Variants in PRKG2 observed in about 807,000 individuals in gnomAD.
The protein encoded by PRKG2 is protein kinase cGMP-dependent 2.
PRKG2 carries 33 observed loss-of-function variants against 97.2 expected under a neutral mutation model. That is an observed-to-expected ratio of 0.34 (90% CI 0.26 to 0.45). The LOEUF (loss-of-function observed/expected upper bound fraction) is 0.45, where lower values mean the gene tolerates loss of function less well. Ranked by LOEUF, PRKG2 falls within the 20% of genes least tolerant of loss-of-function variation. The pLI is 1.00. For synonymous variants in PRKG2, 330 were observed against 321.8 expected, an observed-to-expected ratio of 1.03 and a Z score of -0.27; for missense variants, 638 against 900.0, an observed-to-expected ratio of 0.71 and a Z score of 3.73.
intron 16 of PRKG2, 151 bp from the exon 17 acceptor site, chr4:81,104,583 C>A (rs908228015): frequency 9.3e-6 from 3 of 323,798 alleles, no homozygotes; most frequent in African/African-American, 6.7e-5. Flanking sequence ...CTACTGTAGA[C>A]CAGACATCTG....
upstream of PRKG2, among the ~76,000 whole-genome samples, chr4:81,216,561 T>C (rs992094960): frequency 1.3e-5 from 2 of 152,136 alleles, no homozygotes; most frequent in African/African-American, 4.8e-5. Flanking sequence ...GATTCAGGGG[T>C]ACAAGTGCAG....
chr4:81,212,907 A>T (rs541507979), intron 1 of PRKG2, among the ~76,000 whole-genome samples: 19 of 152,348 alleles, frequency 1.2e-4, no homozygotes, highest in African/African-American at 3.6e-4. Context: ...GCAGGATAGC[A>T]TCTCTAATGT....
In PRKG2 at chr4:81,110,486, C is replaced by G. The variant is rs1285670222; in HGVS notation, c.1902G>C (p.Trp634Cys). 6.2e-7 allele frequency: 1 copy of G among 1,613,556 alleles called. No individual in the cohort carries two copies. The highest frequency in any genetic ancestry group is 8.5e-7 in the Non-Finnish European group (1 of 1,179,924). The change falls in exon 15 of 19, where the codon TGG becomes TGC. Residue 634 changes from tryptophan (W) to cysteine (C), a missense_variant. Physicochemically the swap from Trp to Cys is radical, Grantham distance 215. Transcript: ENST00000264399. ...GCTCATACACTAGAATTCCCAGTGA[C>G]CAGAAATCCACACTGAAGTCATGTC... is the stretch of plus-strand genomic sequence containing the variant. ...NKGHDFSVDFWSLGILVYELL... is the reference protein window; with the variant it reads ...NKGHDFSVDFCSLGILVYELL...
At chr4:81,091,396 C>T (rs575883095) in intron 18 of PRKG2, among the ~76,000 whole-genome samples, 8 of 152,206 alleles carry the variant, frequency 5.3e-5, no homozygotes, top group African/African-American at 1.9e-4. Flanking sequence ...CATTCTCCTG[C>T]CTCAGCCTCC....
rs1460906746 is a variant in PRKG2 at position 81,113,821 on chromosome 4, T to A, written c.1777-3210A>T. ...AAGTCTAGACAAGGGTAAAATGGAATCTGTTTAACCTGTCCACCAACAACC... is the reference window on the plus strand; with the variant it reads ...AAGTCTAGACAAGGGTAAAATGGAAACTGTTTAACCTGTCCACCAACAACC... On this transcript the variant is annotated intron_variant, in intron 14 of 18. Transcript: ENST00000264399. Among the ~76,000 whole-genome samples the A allele has an allele frequency of 4.6e-5, 7 of 152,300 alleles. No individual in the cohort carries two copies. In the South Asian group the frequency reaches 1.2e-3, roughly 27 times the overall value.
chr4:81,139,781 C>CAAAAAAAAAAAAAA (rs548249378), intron 12 of PRKG2, among the ~76,000 whole-genome samples: 3 of 75,326 alleles, frequency 4.0e-5, no homozygotes, highest in East Asian at 3.2e-4. Flanking sequence ...TCTCAAAAGA[C>CAAAAAAAAAAAAAA]AAAAAAAAAA....
chr4:81,111,839 A>G (rs1172973801), intron 14 of PRKG2, among the ~76,000 whole-genome samples: 1 of 152,200 alleles, frequency 6.6e-6, no homozygotes, highest in Non-Finnish European at 1.5e-5. Flanking sequence ...TTCATCTCCA[A>G]TATATACAGA....
chr4:81,153,971 G>A (rs1361055382), intron 6 of PRKG2: 4 of 303,480 alleles, frequency 1.3e-5, no homozygotes, highest in South Asian at 4.9e-5. Flanking sequence ...CAAGGGGTCA[G>A]GGAGTTCCCT....
At chr4:81,181,322 G>A (rs1751388926) in intron 2 of PRKG2, among the ~76,000 whole-genome samples, 2 of 151,854 alleles carry the variant, frequency 1.3e-5, no homozygotes, top group South Asian at 4.2e-4. Flanking sequence ...TATAAGAAAA[G>A]CCAAATCATA....
chr4:81,181,712 A>C (rs1751429109), intron 2 of PRKG2, among the ~76,000 whole-genome samples: 1 of 96,090 alleles, frequency 1.0e-5, no homozygotes, highest in Non-Finnish European at 1.7e-5. Flanking sequence ...TTACAGTTAT[A>C]AAAAAAGAAA....
At chr4:81,171,846 A>C in intron 3 of PRKG2, 42 bp from the exon 4 acceptor site, 3 of 1,357,156 alleles carry the variant, frequency 2.2e-6, no homozygotes, top group Non-Finnish European at 3.1e-6. Flanking sequence ...CAAATAATCG[A>C]AATCCGTGTA....
chr4:81,107,352 T>A (rs889046134), intron 15 of PRKG2, among the ~76,000 whole-genome samples: 2 of 151,334 alleles, frequency 1.3e-5, no homozygotes, highest in African/African-American at 2.4e-5. Flanking sequence ...AGAGAGTGAG[T>A]GGGTAAAAAG....
At chr4:81,178,995 G>T (rs1483475255) in intron 2 of PRKG2, among the ~76,000 whole-genome samples, 1 of 151,872 alleles carries the variant, frequency 6.6e-6, no homozygotes, top group African/African-American at 2.4e-5. Flanking sequence ...CGTGGTGGCA[G>T]GCGCCTGTAG....
At chr4:81,146,694 A>T (rs1278233100) in intron 9 of PRKG2, among the ~76,000 whole-genome samples, 2 of 152,174 alleles carry the variant, frequency 1.3e-5, no homozygotes, top group Non-Finnish European at 2.9e-5. Flanking sequence ...AAAGGCTGGC[A>T]CTGCAACCAC....
chr4:81,165,546 C>T (rs972486548), intron 6 of PRKG2, among the ~76,000 whole-genome samples: 1 of 151,070 alleles, frequency 6.6e-6, no homozygotes, highest in Non-Finnish European at 1.5e-5. Flanking sequence ...CATTTCTTAG[C>T]GCTAAATAGA....
intron 8 of PRKG2, among the ~76,000 whole-genome samples, chr4:81,150,073 T>C (rs1748232460): frequency 1.3e-5 from 2 of 152,084 alleles, no homozygotes. Context: ...TGCTTGTATA[T>C]GTAGAGGTAG....
At chr4:81,133,953 T>G (rs533390322) in intron 14 of PRKG2, among the ~76,000 whole-genome samples, 2 of 152,268 alleles carry the variant, frequency 1.3e-5, no homozygotes, top group South Asian at 4.2e-4. Context: ...TTTACAATAT[T>G]CCAAAGAGTT....
chr4:81,184,506 C>T (rs1450993581), intron 2 of PRKG2, among the ~76,000 whole-genome samples: 3 of 152,112 alleles, frequency 2.0e-5, no homozygotes, highest in Non-Finnish European at 4.4e-5. Context: ...CATCAAAGAC[C>T]AAAGTAGATA....
chr4:81,100,351 G>T (rs985298911), intron 17 of PRKG2, among the ~76,000 whole-genome samples: 10 of 152,240 alleles, frequency 6.6e-5, no homozygotes, highest in African/African-American at 2.4e-4. Context: ...GCATGTTACT[G>T]GTACCAAAAC....
Sources: allele counts gnomAD v4.1 joint callset (sites outside exome capture counted in the v4.1 genomes callset), GRCh38; gene constraint gnomAD v4.1.1; transcripts MANE v1.5; gene names NCBI Gene and HGNC (gene_info 2026-07-23, HGNC 2026-07-21).